FGF13: variants seen among roughly 807,000 people sequenced by gnomAD.
FGF13 encodes the protein fibroblast growth factor homologous factor 2.
In FGF13, 2 loss-of-function variants were observed where a neutral mutation model predicts 19.5. That is an observed-to-expected ratio of 0.10 (90% CI 0.04 to 0.32). The LOEUF (loss-of-function observed/expected upper bound fraction) is 0.32. Ranked by LOEUF, FGF13 falls within the 10% of genes least tolerant of loss-of-function variation. FGF13 has a pLI of 1.00. For synonymous variants in FGF13, 72 were observed against 76.9 expected (o/e 0.94, Z 0.33); for missense variants, 113 against 192.7 (o/e 0.59, Z 2.45).
At chrX:139,088,842 G>C (rs5976266) in intron 1 of FGF13, among the ~76,000 whole-genome samples, 1,969 of 111,602 alleles carry the variant, frequency 0.018, 42 homozygotes, top group African/African-American at 0.06. Flanking sequence ...GAAGTTATTA[G>C]GTCATGAGGT....
intron 3 of FGF13, among the ~76,000 whole-genome samples, chrX:138,789,914 A>G: frequency 1.9e-5 from 2 of 105,411 alleles, no homozygotes; most frequent in African/African-American, 3.5e-5. Flanking sequence ...GCGTAGTGGC[A>G]GGCGCCTGTA....
intron 1 of FGF13, among the ~76,000 whole-genome samples, chrX:139,077,120 A>T (rs2083337725): frequency 8.9e-6 from 1 of 111,872 alleles, no homozygotes; most frequent in African/African-American, 3.3e-5. Flanking sequence ...GTGATGCTGA[A>T]TGGCACTTAG....
At chrX:138,917,457 A>C (rs2124237058) in intron 1 of FGF13, among the ~76,000 whole-genome samples, 1 of 112,038 alleles carries the variant, frequency 8.9e-6, no homozygotes, top group Admixed American at 9.4e-5. Context: ...TTGGACTTTC[A>C]GCCTCCAGAA....
intron 1 of FGF13, among the ~76,000 whole-genome samples, chrX:138,732,901 C>T (rs1368163698): frequency 9.0e-6 from 1 of 110,912 alleles, no homozygotes; most frequent in East Asian, 2.9e-4. Flanking sequence ...ACATGGAGTG[C>T]TTATTAAAAT....
chrX:138,961,691 C>T (rs919749762), intron 1 of FGF13, among the ~76,000 whole-genome samples: 4 of 111,754 alleles, frequency 3.6e-5, no homozygotes, highest in South Asian at 3.8e-4. Context: ...TAATACCACA[C>T]GTCTACAAAC....
At chrX:139,106,953 C>T (rs1008782433) in intron 1 of FGF13, among the ~76,000 whole-genome samples, 11 of 111,981 alleles carry the variant, frequency 9.8e-5, no homozygotes, top group African/African-American at 1.9e-4. Context: ...AGCGAGCCTC[C>T]GGATATCTCC....
chrX:139,054,909 A>G (rs201984124), intron 1 of FGF13, among the ~76,000 whole-genome samples: 7,441 of 60,708 alleles, frequency 0.12, 289 homozygotes, highest in East Asian at 0.22. Context: ...GTTGTATTGT[A>G]TTGTATTGTA....
At chrX:139,124,843 T>G (rs2083703611) in intron 1 of FGF13, among the ~76,000 whole-genome samples, 1 of 111,511 alleles carries the variant, frequency 9.0e-6, no homozygotes, top group Admixed American at 9.5e-5. Context: ...AAACCAGGAT[T>G]TGGGGAAGAA....
intron 1 of FGF13, among the ~76,000 whole-genome samples, chrX:138,911,317 A>G (rs747567744): frequency 2.7e-5 from 3 of 111,017 alleles, no homozygotes; most frequent in Admixed American, 9.6e-5. Context: ...TTGCAGGGAC[A>G]TGGATGGAGC....
chrX:139,053,211 T>C (rs1349538688), intron 1 of FGF13, among the ~76,000 whole-genome samples: 1 of 111,332 alleles, frequency 9.0e-6, no homozygotes, highest in Middle Eastern at 4.6e-3. Context: ...TATTCCATCA[T>C]AGATAGATAT....
chrX:138,983,641 T>C (rs971705684), intron 1 of FGF13, among the ~76,000 whole-genome samples: 71 of 109,577 alleles, frequency 6.5e-4, no homozygotes, highest in African/African-American at 2.2e-3. Context: ...AAATTAAAAA[T>C]AGAACTACCA....
intron 1 of FGF13, among the ~76,000 whole-genome samples, chrX:139,179,346 A>G (rs1240337885): frequency 9.0e-6 from 1 of 110,524 alleles, no homozygotes; most frequent in East Asian, 2.8e-4. Flanking sequence ...TCATTCTTTC[A>G]TTTTCTTAGA....
chrX:138,857,519 C>T, exon 3 of FGF13: 1 of 1,193,973 alleles, frequency 8.4e-7, no homozygotes, highest in Non-Finnish European at 1.1e-6. Flanking sequence ...AACCTTCCGG[C>T]TCTGTGTTCT....
At chrX:138,761,144 T>C (rs997272269) in intron 3 of FGF13, among the ~76,000 whole-genome samples, 1 of 111,777 alleles carries the variant, frequency 8.9e-6, no homozygotes, top group Admixed American at 9.5e-5. Context: ...AGAATCACCA[T>C]GTTAAATGTG....
intron 1 of FGF13, among the ~76,000 whole-genome samples, chrX:139,065,481 C>CAAAAAAAAAAAAAAAA (rs767805587): frequency 1.3e-4 from 4 of 30,774 alleles, no homozygotes; most frequent in East Asian, 1.2e-3. Flanking sequence ...AAACGGAAAG[C>CAAAAAAAAAAAAAAAA]AAAAAAAAAA....
intron 2 of FGF13, among the ~76,000 whole-genome samples, chrX:138,862,263 C>A (rs1304417014): frequency 9.0e-6 from 1 of 111,584 alleles, no homozygotes; most frequent in African/African-American, 3.3e-5. Flanking sequence ...AGTTAACAAG[C>A]CCTCAATTAT....
At chrX:139,005,193 G>GCCCCCCCC (rs34587672) in intron 1 of FGF13, among the ~76,000 whole-genome samples, 2 of 24,647 alleles carry the variant, frequency 8.1e-5, no homozygotes, top group African/African-American at 1.9e-4. Flanking sequence ...TTGTGTCACT[G>GCCCCCCCC]CCCCCCCCCC....
intron 1 of FGF13, among the ~76,000 whole-genome samples, chrX:139,072,443 C>A (rs2092380075): frequency 9.0e-6 from 1 of 111,477 alleles, no homozygotes; most frequent in South Asian, 3.8e-4. Context: ...AAATAAATTT[C>A]TGTTGTTTAA....
chrX:139,097,334 A>G (rs1270628757), intron 1 of FGF13, among the ~76,000 whole-genome samples: 2 of 111,447 alleles, frequency 1.8e-5, no homozygotes, highest in Non-Finnish European at 1.9e-5. Context: ...CACAAAAAAA[A>G]TCTCGTGTTT....
Sources: gnomAD v4.1 joint callset for allele counts (sites outside exome capture counted in the v4.1 genomes callset) on GRCh38, gnomAD v4.1.1 for gene constraint, MANE v1.5 for transcripts, NCBI Gene and HGNC (gene_info 2026-07-23, HGNC 2026-07-21) for gene names.